SEPTIN3: variants seen among roughly 807,000 people sequenced by gnomAD.
SEPTIN3 encodes the protein septin 3, also known as neuronal-specific septin-3.
A neutral mutation model predicts 45.1 loss-of-function variants in SEPTIN3; 15 were observed. The ratio of observed to expected loss-of-function variants is 0.33; its 90% CI spans 0.22 to 0.51. The LOEUF is 0.51. SEPTIN3 is among the 20% of genes least tolerant of loss of function. The pLI, the probability that SEPTIN3 is intolerant of heterozygous loss-of-function variation, is 0.97. For missense variants in SEPTIN3, 289 were observed against 457.2 expected (o/e 0.63, Z 3.35); for synonymous variants, 148 against 164.8 (o/e 0.90, Z 0.78).
chr22:41,985,013 G>A (rs1468671219), intron 3 of SEPTIN3, among the ~76,000 whole-genome samples: 4 of 151,834 alleles, frequency 2.6e-5, no homozygotes, highest in East Asian at 1.9e-4. Flanking sequence ...CCACCACGCC[G>A]GGCTAATTTT....
chr22:41,984,845 C>CTTTTTTTTTTTTTTT (rs11380985), intron 3 of SEPTIN3, among the ~76,000 whole-genome samples: 2 of 100,660 alleles, frequency 2.0e-5, no homozygotes, highest in South Asian at 3.8e-4. Context: ...GTGGTTTTCC[C>CTTTTTTTTTTTTTTT]TTTTTTTTTT....
In SEPTIN3 at chr22:41,972,624, G is replaced by GC. The variant is rs2146664891; in HGVS notation, c.1132_1133insC (p.Gly378AlafsTer25). The GC allele has an allele frequency of 2.5e-6, 1 of 399,124 alleles. No individual in the cohort carries two copies. Among genetic ancestry groups the GC allele is most frequent in the African/African-American group, 2.1e-5 (1 of 48,748 alleles). 24.7% of individuals were successfully genotyped at this position (399,124 alleles called of 1,614,324 possible). Reference sequence around the variant, plus strand: ...AGCCAAACCAGATATGACCACAGAGGGTATAGCCATGGATTCAGCAACATC... The same window carrying GC: ...AGCCAAACCAGATATGACCACAGAGGCGTATAGCCATGGATTCAGCAACATC... On this transcript the variant is annotated frameshift_variant, in exon 2 of 12. Transcript: ENST00000644076. LOFTEE classifies it high-confidence loss of function.
At chr22:41,974,398 C>T (rs533497761) in intron 2 of SEPTIN3, among the ~76,000 whole-genome samples, 43 of 152,110 alleles carry the variant, frequency 2.8e-4, no homozygotes, top group Admixed American at 2.5e-3. Context: ...GGCGTGGTGG[C>T]TCACACCTAT....
intron 7 of SEPTIN3, among the ~76,000 whole-genome samples, chr22:41,990,502 T>C (rs570233524): frequency 2.7e-4 from 41 of 150,652 alleles, no homozygotes; most frequent in Non-Finnish European, 4.3e-4. Flanking sequence ...TCCCAGCACT[T>C]TGGGAGGCAG....
intron 4 of SEPTIN3, among the ~76,000 whole-genome samples, chr22:41,986,646 C>T (rs949468597): frequency 6.6e-6 from 1 of 152,038 alleles, no homozygotes; most frequent in African/African-American, 2.4e-5. Context: ...ACTACAGGCA[C>T]CCGCCACCAC....
chr22:41,992,736 C>T lies in SEPTIN3; in HGVS notation c.2332C>T (p.Arg778Ter), dbSNP rs751238686. The change falls in exon 9 of 12, where the codon CGA becomes TGA. Residue 778 changes from arginine (R) to a stop codon, truncating the protein, a stop_gained. Transcript: ENST00000644076. LOFTEE classifies it high-confidence loss of function. ...YQVNGKRVLG[R>*]KTPWGIIEVE... is the part of the protein sequence containing the mutation. ...AGTGAATGGCAAGAGGGTCCTCGGC[C>T]GAAAAACTCCATGGGGGATCATCGA... The T allele has an allele frequency of 1.2e-6, 2 of 1,611,348 alleles. No homozygotes were observed. The highest frequency in any genetic ancestry group is 1.7e-6 in the Non-Finnish European group (2 of 1,178,830).
At chr22:41,995,831 T>C (rs2078425213) in intron 11 of SEPTIN3, 3 of 886,644 alleles carry the variant, frequency 3.4e-6, no homozygotes, top group Non-Finnish European at 4.1e-6. Flanking sequence ...CAGTGTCCAG[T>C]TAAAGGAAGC....
chr22:41,981,476 C>A, intron 2 of SEPTIN3, 169 bp from the exon 3 acceptor site: 1 of 580,302 alleles, frequency 1.7e-6, no homozygotes, highest in African/African-American at 1.9e-5. Flanking sequence ...CTCCTCCAGG[C>A]CTCAGTCTCT....
rs1482494422 is a variant in SEPTIN3 at position 41,976,884 on chromosome 22, C to CGGCGGCGCGGGGCGCAGG, written c.1504+3899_1504+3916dup. 2.2e-5 allele frequency: 4 copies of CGGCGGCGCGGGGCGCAGG among 186,034 alleles called. No individual in the cohort carries two copies. The highest frequency in any genetic ancestry group is 4.9e-5 in the African/African-American group (2 of 41,204). The allele number at this position is 186,034 out of a possible 1,614,324, so 11.5% of individuals were successfully genotyped here. A position where few individuals can be genotyped will look rare whatever the true frequency, so the allele number is the denominator to read the frequency against. On this transcript the variant is annotated intron_variant, in intron 2 of 11. Transcript: ENST00000644076. This position sits in a 1 kb window ranked among gnomAD's most constrained non-coding sequence, Gnocchi z 5.8. ...CCGAGGCGAGGTCCCGGGGAGGGCG[C>CGGCGGCGCGGGGCGCAGG]GGCGGCGCGGGGCGCAGGGGCGGCG...
At position 41,994,114 on chromosome 22, in the gene SEPTIN3, CA is replaced by C. The variant is rs954300066; in HGVS notation, c.2360-174del. 6.6e-6 allele frequency among the ~76,000 whole-genome samples: 1 copy of C among 152,162 alleles called. No individual in the cohort carries two copies. The highest frequency in any genetic ancestry group is 1.5e-5 in the Non-Finnish European group (1 of 68,026). The stretch of plus-strand genomic sequence containing the variant: ...CCATTGTAGCTGCTTAATATTTGTT[CA>C]ATGAATCAAATCCAGTACACCCAAG... On this transcript the variant is annotated intron_variant, in intron 9 of 11. Coordinates refer to ENST00000644076, the MANE Select transcript of SEPTIN3 (RefSeq NM_001363845.2). This position sits in a 1 kb window ranked among gnomAD's most constrained non-coding sequence, Gnocchi z 4.2.
rs529692470 is a variant in SEPTIN3 at position 41,976,657 on chromosome 22, G to A, written c.1504+3661G>A. ...AGGCACCTTTCCGGGCCTGGCACCT[G>A]GAGCCCGCGGGGGCGGCTCCTGGAC... On this transcript the variant is annotated intron_variant, in intron 2 of 11. Transcript: ENST00000644076. The surrounding 1 kb of genome is among the most constrained non-coding windows in gnomAD (Gnocchi z 5.8). The A allele has an allele frequency of 2.4e-4, 37 of 152,556 alleles. No individual in the cohort carries two copies. The South Asian group carries it at 7.1e-3, about 29-fold the overall frequency. The allele number at this position is 152,556 out of a possible 1,614,324, so 9.5% of individuals were successfully genotyped here. A position where few individuals can be genotyped will look rare whatever the true frequency, so the allele number is the denominator to read the frequency against.
chr22:41,994,957 A>G lies in SEPTIN3; in HGVS notation c.2505+243A>G, dbSNP rs6002568. ...AGAGCGAGAGAGCCTGTGTGTGTGC[A>G]TGCAGGGGTGAGGTATTTTCACTGC... is the stretch of plus-strand genomic sequence containing the variant. On this transcript the variant is annotated intron_variant, in intron 11 of 11. Transcript: ENST00000644076. The surrounding 1 kb of genome is among the most constrained non-coding windows in gnomAD (Gnocchi z 4.2). The G allele has an allele frequency of 2.5e-4, 354 of 1,405,164 alleles. 1 individual carries two copies. The African/African-American group carries it at 4.6e-3, about 18-fold the overall frequency. The allele number at this position is 1,405,164 out of a possible 1,614,324, so 87.0% of individuals were successfully genotyped here.
At chr22:41,990,615 G>A (rs545439380) in intron 7 of SEPTIN3, among the ~76,000 whole-genome samples, 444 of 150,254 alleles carry the variant, frequency 3.0e-3, no homozygotes, top group Non-Finnish European at 5.3e-3. Flanking sequence ...GTGTGGTGGC[G>A]GGTGCCTGTA....
intron 8 of SEPTIN3, among the ~76,000 whole-genome samples, chr22:41,992,385 G>GA (rs2078332978): frequency 6.6e-6 from 1 of 152,146 alleles, no homozygotes; most frequent in Non-Finnish European, 1.5e-5. Flanking sequence ...TCTCAAAAAA[G>GA]AAAGTACAAA....
intron 3 of SEPTIN3, 90 bp downstream of exon 3, chr22:41,981,926 C>T: frequency 8.6e-7 from 1 of 1,156,898 alleles, no homozygotes; most frequent in Non-Finnish European, 1.3e-6. Flanking sequence ...GACCCTGGCT[C>T]TTCTAAGATG....
chr22:41,983,254 G>GT (rs1569438174), intron 3 of SEPTIN3, among the ~76,000 whole-genome samples: 1 of 152,322 alleles, frequency 6.6e-6, no homozygotes, highest in East Asian at 1.9e-4. Flanking sequence ...GCTAAACAGT[G>GT]TGCTCAGTGA....
At chr22:41,977,041 A>G (rs763239621) in intron 2 of SEPTIN3, 4 of 1,599,462 alleles carry the variant, frequency 2.5e-6, no homozygotes, top group Non-Finnish European at 1.7e-6. Flanking sequence ...ATCTCCCTGG[A>G]GGAACGGAGA....
chr22:41,994,612 G>A lies in SEPTIN3; in HGVS notation c.2412-9G>A. 2 of 1,613,966 alleles carry A rather than the reference G, an allele frequency of 1.2e-6. No homozygotes were observed. Among genetic ancestry groups the A allele is most frequent in the Non-Finnish European group, 1.7e-6 (2 of 1,179,998 alleles). ...TGCAGCCCTCTTCTTCTCACCCTGTGTCCTCTAGGACCCACCTCCAGGACC... is the reference window on the plus strand; with the variant it reads ...TGCAGCCCTCTTCTTCTCACCCTGTATCCTCTAGGACCCACCTCCAGGACC... On this transcript the variant is annotated splice_polypyrimidine_tract_variant and intron_variant, in intron 10 of 11. Transcript: ENST00000644076. This position sits in a 1 kb window ranked among gnomAD's most constrained non-coding sequence, Gnocchi z 4.2.
chr22:41,982,519 A>T (rs1163611383), intron 3 of SEPTIN3, among the ~76,000 whole-genome samples: 2 of 149,846 alleles, frequency 1.3e-5, no homozygotes, highest in Non-Finnish European at 3.0e-5. Context: ...AAAACAAAAA[A>T]CAAAAAACAA....
Sources: gnomAD v4.1 joint callset for allele counts (sites outside exome capture counted in the v4.1 genomes callset) on GRCh38, gnomAD v4.1.1 for gene constraint, Gnocchi (gnomAD v3.1) non-coding constraint, MANE v1.5 for transcripts, NCBI Gene and HGNC (gene_info 2026-07-23, HGNC 2026-07-21) for gene names.